Variants in GRAMD1C observed in about 807,000 individuals in gnomAD.
GRAMD1C encodes the protein protein Aster-C.
Under a neutral mutation model 97.8 loss-of-function variants are expected in GRAMD1C, and 89 were observed. The observed-to-expected ratio is 0.91, with a 90% confidence interval of 0.77 to 1.09. GRAMD1C has a LOEUF of 1.09. Among genes scored for constraint, GRAMD1C ranks in the 50% least tolerant of loss-of-function variants. GRAMD1C has a pLI of 0.00. For missense variants in GRAMD1C, 740 were observed against 766.4 expected (o/e 0.97, Z 0.41); for synonymous variants, 256 against 267.0 (o/e 0.96, Z 0.40).
At chr3:113,942,760 T>G (rs1317614647) in intron 17 of GRAMD1C, among the ~76,000 whole-genome samples, 1 of 152,158 alleles carries the variant, frequency 6.6e-6, no homozygotes, top group Admixed American at 6.5e-5. Context: ...AAAATAAAAT[T>G]CCAGACTTCT....
chr3:113,837,093 T>TTTCCTTCC (rs202147724), upstream of GRAMD1C, among the ~76,000 whole-genome samples: 2 of 151,662 alleles, frequency 1.3e-5, no homozygotes, highest in African/African-American at 4.9e-5. Context: ...TCCTTCCTTC[T>TTTCCTTCC]TTCCTTCCTT....
intron 17 of GRAMD1C, among the ~76,000 whole-genome samples, chr3:113,944,726 A>T (rs1306507984): frequency 6.6e-6 from 1 of 152,196 alleles, no homozygotes; most frequent in Non-Finnish European, 1.5e-5. Flanking sequence ...GACAGTGCCT[A>T]TTTGGTTCTC....
intron 1 of GRAMD1C, among the ~76,000 whole-genome samples, chr3:113,830,692 T>G (rs145342513): frequency 2.1e-4 from 32 of 152,346 alleles, no homozygotes; most frequent in Non-Finnish European, 4.3e-4. Flanking sequence ...ATGGGACCAC[T>G]GTTTTCTTGT....
At chr3:113,934,590 A>G in intron 13 of GRAMD1C, 55 bp downstream of exon 13, 1 of 774,532 alleles carries the variant, frequency 1.3e-6, no homozygotes, top group Non-Finnish European at 2.2e-6. Context: ...TATTAACAAA[A>G]TGGATTGATT....
chr3:113,915,846 C>T lies in GRAMD1C; in HGVS notation c.1090+8C>T. ...GTTCTAGAAATATAATAGGTTAGTCCTTGTGTTCTTACCTAATGATAAATT... is the reference window on the plus strand; with the variant it reads ...GTTCTAGAAATATAATAGGTTAGTCTTTGTGTTCTTACCTAATGATAAATT... On this transcript the variant is annotated splice_region_variant and intron_variant, in intron 10 of 17. Transcript: ENST00000358160. 6.3e-7 allele frequency: 1 copy of T among 1,597,188 alleles called. No individual in the cohort carries two copies. Among genetic ancestry groups the T allele is most frequent in the Non-Finnish European group, 8.6e-7 (1 of 1,165,908 alleles).
chr3:113,892,343 G>A (rs911260332), intron 6 of GRAMD1C, among the ~76,000 whole-genome samples: 1 of 151,924 alleles, frequency 6.6e-6, no homozygotes, highest in African/African-American at 2.4e-5. Context: ...GTGGTGGCAG[G>A]CACTTGTAGT....
intron 8 of GRAMD1C, among the ~76,000 whole-genome samples, chr3:113,906,088 G>T (rs1333903213): frequency 1.3e-5 from 2 of 152,190 alleles, no homozygotes; most frequent in African/African-American, 4.8e-5. Context: ...TCACATGTTT[G>T]TGGTGATGCT....
chr3:113,828,851 T>C (rs976192411), intron 1 of GRAMD1C, among the ~76,000 whole-genome samples: 10 of 152,194 alleles, frequency 6.6e-5, no homozygotes, highest in Admixed American at 5.9e-4. Context: ...CATGCTCATA[T>C]CATAGAACTT....
At chr3:113,909,400 G>A (rs1362449586) in intron 9 of GRAMD1C, among the ~76,000 whole-genome samples, 1 of 152,088 alleles carries the variant, frequency 6.6e-6, no homozygotes, top group Non-Finnish European at 1.5e-5. Flanking sequence ...TATATACCAG[G>A]CAGTGTGATA....
chr3:113,923,200 A>C (rs1399483424), intron 10 of GRAMD1C, among the ~76,000 whole-genome samples: 1 of 152,166 alleles, frequency 6.6e-6, no homozygotes, highest in Non-Finnish European at 1.5e-5. Context: ...TTCTAGGTAT[A>C]AAAACAATAT....
At chr3:113,879,813 C>A (rs914045570) in intron 5 of GRAMD1C, among the ~76,000 whole-genome samples, 1 of 151,836 alleles carries the variant, frequency 6.6e-6, no homozygotes, top group Non-Finnish European at 1.5e-5. Flanking sequence ...CCTGCCTCAG[C>A]CTCCCAAGTA....
chr3:113,840,218 G>C (rs1709747304), intron 1 of GRAMD1C, among the ~76,000 whole-genome samples: 2 of 152,000 alleles, frequency 1.3e-5, no homozygotes, highest in Non-Finnish European at 2.9e-5. Flanking sequence ...CGCCCGCCTC[G>C]GCCTCCCAAA....
intron 2 of GRAMD1C, chr3:113,850,579 G>A: frequency 6.2e-7 from 1 of 1,606,702 alleles, no homozygotes; most frequent in South Asian, 1.1e-5. Context: ...CAGGACTTGA[G>A]AGACTGCATG....
At position 113,900,948 on chromosome 3, in the gene GRAMD1C, G is replaced by T. The variant is rs6438173; in HGVS notation, c.541-83G>T. On this transcript the variant is annotated intron_variant, in intron 6 of 17. Transcript: ENST00000358160. ...AGTCTTTGCACAACAGGTCATTTTT[G>T]ACTTCAAAACTCATGTTTTGAATCA... 1.1e-3 allele frequency: 852 copies of T among 741,966 alleles called. 5 individuals carry two copies. In the African/African-American group the frequency reaches 0.014, roughly 12 times the overall value. 46.0% of individuals were successfully genotyped at this position (741,966 alleles called of 1,614,324 possible).
intron 2 of GRAMD1C, among the ~76,000 whole-genome samples, chr3:113,854,570 A>C (rs960578384): frequency 1.3e-5 from 2 of 152,202 alleles, no homozygotes; most frequent in African/African-American, 2.4e-5. Context: ...AAGGTCATTA[A>C]AAGTACAACT....
At chr3:113,880,957 A>T (rs1431881986) in intron 5 of GRAMD1C, among the ~76,000 whole-genome samples, 1 of 152,078 alleles carries the variant, frequency 6.6e-6, no homozygotes, top group Non-Finnish European at 1.5e-5. Flanking sequence ...CATCATGGTA[A>T]AAAATTCTGT....
intron 1 of GRAMD1C, among the ~76,000 whole-genome samples, chr3:113,840,374 C>A (rs1464736227): frequency 6.6e-6 from 1 of 152,124 alleles, no homozygotes; most frequent in African/African-American, 2.4e-5. Context: ...AAAACTGGCT[C>A]CAGGTCTTTT....
chr3:113,932,964 C>G (rs1297099393), intron 11 of GRAMD1C, among the ~76,000 whole-genome samples: 1 of 152,080 alleles, frequency 6.6e-6, no homozygotes, highest in Middle Eastern at 3.4e-3. Flanking sequence ...TCACTGCAAC[C>G]TCTGCCTCCT....
At chr3:113,862,193 C>T (rs12487756) in intron 2 of GRAMD1C, among the ~76,000 whole-genome samples, 1 of 151,928 alleles carries the variant, frequency 6.6e-6, no homozygotes, top group South Asian at 2.1e-4. Flanking sequence ...CAAGAGCAGA[C>T]AACCAGTCTG....
Sources: gnomAD v4.1 joint callset for allele counts (sites outside exome capture counted in the v4.1 genomes callset) on GRCh38, gnomAD v4.1.1 for gene constraint, MANE v1.5 for transcripts, NCBI Gene and HGNC (gene_info 2026-07-23, HGNC 2026-07-21) for gene names.